Variants in NLK observed in about 807,000 individuals in gnomAD.
NLK encodes the protein serine/threonine-protein kinase NLK.
In NLK, 11 loss-of-function variants were observed where a neutral mutation model predicts 59.0. The ratio of observed to expected loss-of-function variants is 0.19; its 90% CI spans 0.12 to 0.31. NLK has a LOEUF of 0.31. Ranked by LOEUF, NLK falls within the 10% of genes least tolerant of loss-of-function variation. NLK has a pLI of 1.00. For missense variants in NLK, 410 were observed against 661.1 expected, an observed-to-expected ratio of 0.62 and a Z score of 4.16; for synonymous variants, 235 against 235.9, an observed-to-expected ratio of 1.00 and a Z score of 0.03.
intron 1 of NLK, among the ~76,000 whole-genome samples, chr17:28,055,329 GA>G (rs1405858887): frequency 1.3e-5 from 2 of 151,894 alleles, no homozygotes; most frequent in Non-Finnish European, 2.9e-5. Context: ...TTGACCTCAT[GA>G]TTTGCCCACC....
At chr17:28,114,472 C>G (rs1336460898) in intron 1 of NLK, among the ~76,000 whole-genome samples, 1 of 152,104 alleles carries the variant, frequency 6.6e-6, no homozygotes, top group Non-Finnish European at 1.5e-5. Flanking sequence ...CCCTTTGTTC[C>G]TTATAAGTGT....
chr17:28,137,603 A>T (rs545418476), intron 3 of NLK, among the ~76,000 whole-genome samples: 1 of 152,270 alleles, frequency 6.6e-6, no homozygotes, highest in Non-Finnish European at 1.5e-5. Flanking sequence ...ATGTAATCAG[A>T]TGTAAAGTAA....
At chr17:28,122,536 G>A (rs1906111296) in intron 1 of NLK, 67 bp from the exon 2 acceptor site, 1 of 1,544,728 alleles carries the variant, frequency 6.5e-7, no homozygotes, top group Non-Finnish European at 8.9e-7. Flanking sequence ...CTGAAACATT[G>A]GAAAACAAGG....
chr17:28,044,338 G>C (rs1908980511), intron 1 of NLK, among the ~76,000 whole-genome samples: 1 of 152,092 alleles, frequency 6.6e-6, no homozygotes, highest in Admixed American at 6.5e-5. Flanking sequence ...ATTACCACAG[G>C]AAAATGAACT....
At chr17:28,157,188 T>TA (rs201645715) in intron 3 of NLK, among the ~76,000 whole-genome samples, 39 of 144,258 alleles carry the variant, frequency 2.7e-4, no homozygotes, top group Admixed American at 6.2e-4. Context: ...ACCTATTTCT[T>TA]AAAAAAAAAA....
intron 1 of NLK, among the ~76,000 whole-genome samples, chr17:28,072,159 CTTTTTTAT>C (rs1160869489): frequency 1.3e-5 from 2 of 151,954 alleles, no homozygotes; most frequent in Admixed American, 6.6e-5. Flanking sequence ...GTTTTAACTT[CTTTTTTAT>C]TTTTTTATTT....
intron 1 of NLK, among the ~76,000 whole-genome samples, chr17:28,056,324 G>T (rs1287631457): frequency 6.6e-6 from 1 of 152,146 alleles, no homozygotes; most frequent in Non-Finnish European, 1.5e-5. Context: ...TAGTCTAGCT[G>T]CCTCATTTTA....
intron 1 of NLK, among the ~76,000 whole-genome samples, chr17:28,064,251 A>G (rs1401777100): frequency 7.5e-6 from 1 of 133,704 alleles, no homozygotes; most frequent in Non-Finnish European, 1.5e-5. Context: ...TAATCTTCCC[A>G]TCTTGGTCTC....
chr17:28,110,427 G>A (rs1055655775), intron 1 of NLK, among the ~76,000 whole-genome samples: 3 of 148,034 alleles, frequency 2.0e-5, no homozygotes, highest in Non-Finnish European at 4.5e-5. Flanking sequence ...TTGAATTGAT[G>A]TTTGACTATG....
At chr17:28,064,603 G>GCCTAGGCTGTCCTTGAACT in intron 1 of NLK, among the ~76,000 whole-genome samples, 2 of 152,238 alleles carry the variant, frequency 1.3e-5, no homozygotes, top group South Asian at 4.1e-4. Context: ...TCATTATGTT[G>GCCTAGGCTGTCCTTGAACT]CCTAGGCTGT....
intron 1 of NLK, among the ~76,000 whole-genome samples, chr17:28,110,938 G>A (rs1335704496): frequency 1.3e-5 from 2 of 150,664 alleles, no homozygotes; most frequent in African/African-American, 2.4e-5. Context: ...TCCGCCTCCC[G>A]GGTTCACGCC....
chr17:28,095,650 A>AAT lies in NLK; in HGVS notation c.459-26944_459-26943dup, dbSNP rs1904675401. Among the ~76,000 whole-genome samples, 3 of 152,198 alleles carry AAT rather than the reference A, an allele frequency of 2.0e-5. 1 individual carries two copies. The South Asian group carries it at 6.2e-4, about 31-fold the overall frequency. On this transcript the variant is annotated intron_variant, in intron 1 of 10. Coordinates refer to ENST00000407008, the MANE Select transcript of NLK (RefSeq NM_016231.5). ...TATGATTCCAGATTTCTGCAATTAC[A>AAT]ATATATATATTTGAAATGATTATTC...
intron 1 of NLK, 134 bp downstream of exon 1, chr17:28,043,465 C>G (rs1908943872): frequency 2.6e-6 from 2 of 768,554 alleles, no homozygotes; most frequent in African/African-American, 3.5e-5. Context: ...AGGAAGCCAC[C>G]CTCACTTATG....
chr17:28,056,013 A>G (rs1909431716), intron 1 of NLK, among the ~76,000 whole-genome samples: 1 of 152,202 alleles, frequency 6.6e-6, no homozygotes, highest in Non-Finnish European at 1.5e-5. Context: ...AGGACCCTTG[A>G]AAAACGCAGA....
chr17:28,048,501 T>C (rs1374535583), intron 1 of NLK: 1 of 152,150 alleles, frequency 6.6e-6, no homozygotes, highest in Non-Finnish European at 1.5e-5. Context: ...TGGGCATGTG[T>C]CATAAAAGAG....
At chr17:28,111,896 GGTGTGTGT>G (rs747211468) in intron 1 of NLK, among the ~76,000 whole-genome samples, 417 of 67,448 alleles carry the variant, frequency 6.2e-3, no homozygotes, top group South Asian at 0.01. Context: ...GTGTGTGTGT[GGTGTGTGT>G]GTGTGTGTGT....
intron 1 of NLK, among the ~76,000 whole-genome samples, chr17:28,073,755 T>G (rs1421326374): frequency 6.6e-6 from 1 of 152,194 alleles, no homozygotes; most frequent in Non-Finnish European, 1.5e-5. Flanking sequence ...CCCATCTGGC[T>G]CAACTCCTAC....
At chr17:28,154,654 T>C (rs937042942) in intron 3 of NLK, among the ~76,000 whole-genome samples, 2 of 152,176 alleles carry the variant, frequency 1.3e-5, no homozygotes, top group African/African-American at 4.8e-5. Flanking sequence ...TTTACAGTAT[T>C]TTAAAACTTT....
chr17:28,177,523 G>T (rs922690874), intron 7 of NLK, among the ~76,000 whole-genome samples: 1 of 152,178 alleles, frequency 6.6e-6, no homozygotes. Context: ...GTTGTGAGAT[G>T]ATCTTCCATG....
Sources: gnomAD v4.1 joint callset for allele counts (sites outside exome capture counted in the v4.1 genomes callset) on GRCh38, gnomAD v4.1.1 for gene constraint, MANE v1.5 for transcripts, NCBI Gene and HGNC (gene_info 2026-07-23, HGNC 2026-07-21) for gene names.